Variants in CEMIP observed in about 807,000 individuals in gnomAD.
CEMIP encodes cell migration-inducing and hyaluronan-binding protein.
CEMIP carries 105 observed loss-of-function variants against 156.9 expected under a neutral mutation model. The observed-to-expected ratio is 0.67, with a 90% CI of 0.57 to 0.79. The LOEUF is 0.79. Ranked by LOEUF, CEMIP falls within the 30% of genes least tolerant of loss-of-function variation. CEMIP has a pLI of 0.00. For missense variants in CEMIP, 1,457 were observed against 1,769.4 expected (o/e 0.82, Z 3.17); for synonymous variants, 676 against 668.4 (o/e 1.01, Z -0.17).
intron 12 of CEMIP, chr15:80,896,344 G>A (rs949237905): frequency 2.4e-5 from 14 of 573,070 alleles, no homozygotes; most frequent in Admixed American, 1.5e-4. Context: ...TTCTTCTCAC[G>A]GGGGAGATTG....
chr15:80,891,717 AC>A (rs1272720288), intron 10 of CEMIP, among the ~76,000 whole-genome samples: 1 of 152,210 alleles, frequency 6.6e-6, no homozygotes, highest in Non-Finnish European at 1.5e-5. Context: ...CTCCATCTCT[AC>A]CGAAGAGAAG....
At chr15:80,861,403 C>G (rs1473453794) in intron 1 of CEMIP, among the ~76,000 whole-genome samples, 2 of 152,152 alleles carry the variant, frequency 1.3e-5, no homozygotes, top group Admixed American at 6.5e-5. Flanking sequence ...ATGAATGAAC[C>G]CTGCACTACG....
intron 10 of CEMIP, among the ~76,000 whole-genome samples, chr15:80,894,212 G>C (rs2141856418): frequency 1.3e-5 from 2 of 152,304 alleles, no homozygotes; most frequent in African/African-American, 4.8e-5. Context: ...TTGAACAAAA[G>C]ACATTAGGCG....
intron 1 of CEMIP, among the ~76,000 whole-genome samples, chr15:80,860,917 T>C (rs1433953575): frequency 6.6e-6 from 1 of 152,054 alleles, no homozygotes; most frequent in African/African-American, 2.4e-5. Flanking sequence ...CCTAACCCCA[T>C]TGTCTCTTCC....
intron 12 of CEMIP, among the ~76,000 whole-genome samples, chr15:80,902,525 A>C (rs543774007): frequency 6.6e-6 from 1 of 152,340 alleles, no homozygotes; most frequent in South Asian, 2.1e-4. Flanking sequence ...AGGCGGCAGC[A>C]GGACAGATAA....
intron 12 of CEMIP, among the ~76,000 whole-genome samples, chr15:80,900,640 G>GTC (rs1567090941): frequency 1.6e-4 from 21 of 130,410 alleles, no homozygotes; most frequent in Non-Finnish European, 2.1e-4. Flanking sequence ...GTGTGTGTGT[G>GTC]TGTGTGTGTC....
At chr15:80,851,315 T>A (rs1652509961) in intron 1 of CEMIP, among the ~76,000 whole-genome samples, 1 of 152,120 alleles carries the variant, frequency 6.6e-6, no homozygotes, top group African/African-American at 2.4e-5. Context: ...CTAGGTGAGG[T>A]TCTTTTTAGA....
rs765833701 is a variant in CEMIP, at chr15:80,895,087, G to A, written c.1184G>A (p.Arg395Gln). The change falls in exon 11 of 30, where the codon CGG (arginine) becomes CAG (glutamine). Residue 395 changes from arginine (R) to glutamine (Q), a missense_variant. Coordinates refer to ENST00000394685, the MANE Select transcript of CEMIP (RefSeq NM_001293298.2). ...FACYDRGRAC[R>Q]SYRVRFLCGK... is the part of the protein sequence containing the mutation. ...TGCTACGACCGGGGCAGAGCCTGCC[G>A]GAGCTACCGTGTACGGTTCCTCTGT... is the stretch of plus-strand genomic sequence containing the variant. 20 of 1,614,082 alleles carry A rather than the reference G, an allele frequency of 1.2e-5. No individual in the cohort carries two copies. Among genetic ancestry groups the A allele is most frequent in the Middle Eastern group, 1.6e-4 (1 of 6,084 alleles).
intron 14 of CEMIP, among the ~76,000 whole-genome samples, chr15:80,910,039 T>C (rs1368393932): frequency 6.6e-6 from 1 of 152,252 alleles, no homozygotes; most frequent in South Asian, 2.1e-4. Context: ...AACTACACTT[T>C]ATATCCTCTA....
chr15:80,822,722 C>A (rs8034963), intron 1 of CEMIP, among the ~76,000 whole-genome samples: 53,958 of 151,980 alleles, frequency 0.36, 10,503 homozygotes, highest in African/African-American at 0.52. Context: ...AGCTGCTTGG[C>A]TAACGATTTG....
rs947939044 is a variant in CEMIP at position 80,951,289 on chromosome 15, C to T, written c.*2365C>T. On this transcript the variant is annotated 3_prime_UTR_variant, in exon 30 of 30. Coordinates refer to ENST00000394685, the MANE Select transcript of CEMIP (RefSeq NM_001293298.2). ...CTATTTGAAAGTTCTCAGAGTTGTA[C>T]ATATGTTTCACAGTACAGGATCTGT... The T allele has an allele frequency of 1.8e-4, 28 of 152,650 alleles. No homozygotes were observed. The highest frequency in any genetic ancestry group is 6.3e-4 in the African/African-American group (26 of 41,460). The allele number at this position is 152,650 out of a possible 1,614,324, so 9.5% of individuals were successfully genotyped here. A position where few individuals can be genotyped will look rare whatever the true frequency, so the allele number is the denominator to read the frequency against.
chr15:80,824,788 A>G (rs1896993124), intron 1 of CEMIP, among the ~76,000 whole-genome samples: 1 of 152,104 alleles, frequency 6.6e-6, no homozygotes, highest in Admixed American at 6.6e-5. Context: ...GATTCTTCCC[A>G]CCTCTTTGAA....
At chr15:80,858,717 C>T (rs990028706) in intron 1 of CEMIP, among the ~76,000 whole-genome samples, 2 of 151,900 alleles carry the variant, frequency 1.3e-5, no homozygotes, top group Admixed American at 1.3e-4. Flanking sequence ...AAGAGCGAAA[C>T]TCCATCTCAA....
chr15:80,820,209 T>G (rs1308036873), intron 1 of CEMIP, among the ~76,000 whole-genome samples: 1 of 152,214 alleles, frequency 6.6e-6, no homozygotes, highest in Admixed American at 6.5e-5. Context: ...TCTGGAATTC[T>G]CCAGGGCAGT....
At position 80,842,091 on chromosome 15, in the gene CEMIP, C is replaced by T. The variant is rs934512850; in HGVS notation, c.-175-31447C>T. ...GCATGTCTATCAGAAGATGTGATGCCAGGTTCTCAACAGTCAACTTAGAAA... is the reference window on the plus strand; with the variant it reads ...GCATGTCTATCAGAAGATGTGATGCTAGGTTCTCAACAGTCAACTTAGAAA... On this transcript the variant is annotated intron_variant, in intron 1 of 29. Transcript: ENST00000394685. 3 of 529,718 alleles carry T rather than the reference C, an allele frequency of 5.7e-6. No homozygotes were observed. The African/African-American group carries it at 5.8e-5, about 10-fold the overall frequency. 32.8% of individuals were successfully genotyped at this position (529,718 alleles called of 1,614,324 possible).
intron 1 of CEMIP, among the ~76,000 whole-genome samples, chr15:80,783,011 G>A (rs1005533274): frequency 6.6e-6 from 1 of 152,222 alleles, no homozygotes; most frequent in African/African-American, 2.4e-5. Context: ...CATCAGTCCT[G>A]TGGCATTCTG....
intron 13 of CEMIP, 50 bp from the exon 14 acceptor site, chr15:80,909,047 A>G: frequency 6.4e-7 from 1 of 1,573,526 alleles, no homozygotes; most frequent in Non-Finnish European, 8.7e-7. Flanking sequence ...AGCCAGGGAA[A>G]TCACAAAGCA....
intron 1 of CEMIP, among the ~76,000 whole-genome samples, chr15:80,823,679 G>A (rs1896961327): frequency 6.6e-6 from 1 of 152,146 alleles, no homozygotes. Flanking sequence ...GCTACACCAG[G>A]TATGGGTAAA....
chr15:80,848,316 A>G (rs1897613898), intron 1 of CEMIP, among the ~76,000 whole-genome samples: 1 of 152,144 alleles, frequency 6.6e-6, no homozygotes, highest in African/African-American at 2.4e-5. Flanking sequence ...GTTCTGGGAA[A>G]CGGACTGATG....
Sources: allele counts gnomAD v4.1 joint callset (sites outside exome capture counted in the v4.1 genomes callset), GRCh38; gene constraint gnomAD v4.1.1; transcripts MANE v1.5; gene names NCBI Gene and HGNC (gene_info 2026-07-23, HGNC 2026-07-21).